The following MAGI1 variants were observed in gnomAD, a reference collection of about 807,000 sequenced individuals.
The protein encoded by MAGI1 is membrane associated guanylate kinase, WW and PDZ domain containing 1, also known as membrane-associated guanylate kinase, WW and PDZ domain-containing protein 1.
In MAGI1, 58 loss-of-function variants were observed where a neutral mutation model predicts 139.9. That is an observed-to-expected ratio of 0.41 (90% confidence interval 0.34 to 0.52). MAGI1 has a LOEUF of 0.52. MAGI1 is among the 20% of genes least tolerant of loss of function. MAGI1 has a pLI of 0.12. For synonymous variants in MAGI1, 812 were observed against 737.9 expected, an observed-to-expected ratio of 1.10 and a Z score of -1.63; for missense variants, 1,874 against 1,901.6, an observed-to-expected ratio of 0.99 and a Z score of 0.27.
Position 65,979,092 on chromosome 3 carries a change from C to T in MAGI1, c.313+58904G>A, listed in dbSNP as rs1186536234. Among the ~76,000 whole-genome samples, 17 of 52,296 alleles carry T rather than the reference C, an allele frequency of 3.3e-4. 1 individual carries two copies. Among genetic ancestry groups the T allele is most frequent in the East Asian group, 7.8e-4 (1 of 1,280 alleles). 34.3% of individuals were successfully genotyped at this position (52,296 alleles called of 152,430 possible). A position where few individuals can be genotyped will look rare whatever the true frequency, so the allele number is the denominator to read the frequency against. ...GCCAAAGTTTTTTTCTTTTCTTCCC[C>T]CCCCCCGCCACCCCCCACAGCTACT... On this transcript the variant is annotated intron_variant, in intron 1 of 22. Transcript: ENST00000402939.
At chr3:65,884,337 A>G (rs562010008) in intron 1 of MAGI1, among the ~76,000 whole-genome samples, 2 of 152,358 alleles carry the variant, frequency 1.3e-5, no homozygotes, top group African/African-American at 2.4e-5. Flanking sequence ...CTCATTACTG[A>G]TACACAAGGA....
intron 14 of MAGI1, among the ~76,000 whole-genome samples, chr3:65,388,651 T>A (rs1943642840): frequency 6.6e-6 from 1 of 152,060 alleles, no homozygotes; most frequent in Non-Finnish European, 1.5e-5. Flanking sequence ...GGTCTCATCA[T>A]TATCCTCATT....
At chr3:66,016,358 G>A (rs182585760) in intron 1 of MAGI1, among the ~76,000 whole-genome samples, 60 of 152,278 alleles carry the variant, frequency 3.9e-4, no homozygotes, top group Non-Finnish European at 5.3e-4. Context: ...GGAAGCAGCA[G>A]GACCAGATTT....
rs1947400693 is a variant in MAGI1 at position 65,430,884 on chromosome 3, G to A, written c.1364-3C>T. ...GTTTCGTGTAAAAAAGGGTTTGCCT[G>A]GATTAAAATAAGAAACGCATAAGGA... On this transcript the variant is annotated splice_region_variant and splice_polypyrimidine_tract_variant and intron_variant, in intron 10 of 22. Transcript: ENST00000402939. 1.9e-6 allele frequency: 3 copies of A among 1,612,090 alleles called. No homozygotes were observed. The highest frequency in any genetic ancestry group is 2.5e-6 in the Non-Finnish European group (3 of 1,179,188).
chr3:65,840,063 A>T (rs756251412), intron 1 of MAGI1, among the ~76,000 whole-genome samples: 11 of 152,182 alleles, frequency 7.2e-5, no homozygotes, highest in African/African-American at 1.7e-4. Flanking sequence ...CCATGTGGTC[A>T]TTGCCAGTAT....
At chr3:65,951,283 G>A (rs2063851447) in intron 1 of MAGI1, among the ~76,000 whole-genome samples, 1 of 152,108 alleles carries the variant, frequency 6.6e-6, no homozygotes, top group Non-Finnish European at 1.5e-5. Context: ...TACCTCACAT[G>A]GCTGAAGAAT....
chr3:65,801,955 G>A (rs551750977), intron 1 of MAGI1, among the ~76,000 whole-genome samples: 1 of 152,128 alleles, frequency 6.6e-6, no homozygotes, highest in Non-Finnish European at 1.5e-5. Flanking sequence ...AATTCCCAGA[G>A]GACCATGAAA....
intron 1 of MAGI1, among the ~76,000 whole-genome samples, chr3:65,923,226 C>T (rs1576071270): frequency 3.6e-5 from 5 of 139,958 alleles, no homozygotes; most frequent in African/African-American, 8.0e-5. Flanking sequence ...CAACAGACAT[C>T]TTTTTTTTTT....
chr3:65,430,239 G>T, intron 11 of MAGI1, 99 bp from the exon 12 acceptor site: 1 of 1,209,452 alleles, frequency 8.3e-7, no homozygotes, highest in Non-Finnish European at 1.2e-6. Flanking sequence ...AACTGAAACT[G>T]CATGTGGGTG....
intron 1 of MAGI1, among the ~76,000 whole-genome samples, chr3:65,993,152 C>G (rs4688626): frequency 0.55 from 84,096 of 152,054 alleles, 23,695 homozygotes; most frequent in East Asian, 0.7. Context: ...GCTTCATATG[C>G]AAATGAAATG....
At chr3:65,920,832 C>G (rs1284595831) in intron 1 of MAGI1, among the ~76,000 whole-genome samples, 1 of 152,072 alleles carries the variant, frequency 6.6e-6, no homozygotes, top group Non-Finnish European at 1.5e-5. Context: ...GGTTCAAGAC[C>G]AGCCTGACCA....
At chr3:65,783,403 C>CT (rs1328053087) in intron 1 of MAGI1, among the ~76,000 whole-genome samples, 11 of 152,076 alleles carry the variant, frequency 7.2e-5, no homozygotes, top group African/African-American at 2.2e-4. Context: ...AATCCGAACA[C>CT]TTTGAGAGGG....
intron 2 of MAGI1, among the ~76,000 whole-genome samples, chr3:65,612,395 G>A (rs1250816402): frequency 6.6e-6 from 1 of 151,770 alleles, no homozygotes; most frequent in Non-Finnish European, 1.5e-5. Flanking sequence ...TTAATGTTTT[G>A]TAGCCATTTG....
intron 13 of MAGI1, among the ~76,000 whole-genome samples, chr3:65,394,769 C>T (rs1420939340): frequency 6.6e-6 from 1 of 151,886 alleles, no homozygotes; most frequent in Non-Finnish European, 1.5e-5. Flanking sequence ...AGGAGAAAAA[C>T]CATGTTTATA....
chr3:65,970,408 A>G (rs765183186), intron 1 of MAGI1, among the ~76,000 whole-genome samples: 3 of 152,098 alleles, frequency 2.0e-5, no homozygotes, highest in Middle Eastern at 3.2e-3. Context: ...AGTTGTGGAG[A>G]GGAATGGTGG....
intron 1 of MAGI1, among the ~76,000 whole-genome samples, chr3:65,994,685 T>C (rs903799232): frequency 6.6e-6 from 1 of 152,188 alleles, no homozygotes; most frequent in Non-Finnish European, 1.5e-5. Flanking sequence ...GGGTCCCAGC[T>C]AGAATGGCTC....
intron 2 of MAGI1, among the ~76,000 whole-genome samples, chr3:65,505,538 G>A (rs1010224821): frequency 2.6e-5 from 4 of 151,628 alleles, no homozygotes; most frequent in African/African-American, 7.3e-5. Flanking sequence ...CCAGAAACTC[G>A]GGAGGCTGAA....
intron 1 of MAGI1, among the ~76,000 whole-genome samples, chr3:65,978,577 G>C (rs1173051606): frequency 6.6e-6 from 1 of 150,490 alleles, no homozygotes; most frequent in Non-Finnish European, 1.5e-5. Flanking sequence ...ATCACTGCAA[G>C]TGTCATCTGA....
chr3:65,700,622 A>G (rs1297821828), intron 1 of MAGI1, among the ~76,000 whole-genome samples: 1 of 152,172 alleles, frequency 6.6e-6, no homozygotes, highest in Non-Finnish European at 1.5e-5. Context: ...TATAAATAAA[A>G]CTGAACAACC....
Sources: gnomAD v4.1 joint callset for allele counts (sites outside exome capture counted in the v4.1 genomes callset) on GRCh38, gnomAD v4.1.1 for gene constraint, MANE v1.5 for transcripts, NCBI Gene and HGNC (gene_info 2026-07-23, HGNC 2026-07-21) for gene names.